Variants in PELI3 observed in about 807,000 individuals in gnomAD.
The protein encoded by PELI3 is pellino E3 ubiquitin protein ligase family member 3, also known as E3 ubiquitin-protein ligase pellino homolog 3.
PELI3 carries 19 observed loss-of-function variants against 35.5 expected under a neutral mutation model. The observed-to-expected ratio is 0.54, with a 90% CI of 0.37 to 0.79. The LOEUF (loss-of-function observed/expected upper bound fraction) is 0.79, where lower values mean the gene tolerates loss of function less well. PELI3 is among the 30% of genes least tolerant of loss of function. The pLI is 0.00. For missense variants in PELI3, 490 were observed against 661.2 expected, an observed-to-expected ratio of 0.74 and a Z score of 2.84; for synonymous variants, 262 against 279.2, an observed-to-expected ratio of 0.94 and a Z score of 0.62.
chr11:66,468,948 T>C (rs760271805), intron 3 of PELI3, 44 bp downstream of exon 3: 44 of 712,692 alleles, frequency 6.2e-5, no homozygotes, highest in Admixed American at 1.6e-4. Context: ...TTTCTTACTC[T>C]AGGTCTAGTG....
At position 66,469,010 on chromosome 11, in the gene PELI3, G is replaced by T. The variant is rs150912640; in HGVS notation, c.224+106G>T. 2.3e-3 allele frequency: 1,308 copies of T among 565,156 alleles called. 26 individuals carry two copies. The East Asian group carries it at 0.031, about 13-fold the overall frequency. The allele number at this position is 565,156 out of a possible 1,614,324, so 35.0% of individuals were successfully genotyped here. On this transcript the variant is annotated intron_variant, in intron 3 of 7. Transcript: ENST00000320740. ...TCACACTACAGATGAGAAAGCCAAG[G>T]CCAGGAGAGAGGAAGCAACGTGATC...
Position 66,473,474 on chromosome 11 carries a change from G to C in PELI3, c.651+39G>C, listed in dbSNP as rs762495667. The C allele has an allele frequency of 6.4e-7, 1 of 1,573,244 alleles. No individual in the cohort carries two copies. Among genetic ancestry groups the C allele is most frequent in the East Asian group, 2.3e-5 (1 of 44,360 alleles). ...AGGAAGGGACCAACTCTTCATCTGT[G>C]AGGCAAGGGGTAGGCTTGGGAGGTG... is the stretch of plus-strand genomic sequence containing the variant. On this transcript the variant is annotated intron_variant, in intron 6 of 7. Transcript: ENST00000320740. The surrounding 1 kb of genome is among the most constrained non-coding windows in gnomAD (Gnocchi z 5.8).
rs760737508 is a variant in PELI3, at chr11:66,472,401, G to A, written c.387G>A (p.Ser129=). 5.6e-6 allele frequency: 9 copies of A among 1,613,894 alleles called. No individual in the cohort carries two copies. Among genetic ancestry groups the A allele is most frequent in the African/African-American group, 4.0e-5 (3 of 74,874 alleles). The change falls in exon 5 of 8, where the codon TCG becomes TCA. Residue 129 remains serine (S), a synonymous_variant. Transcript: ENST00000320740. Reference sequence around the variant, plus strand: ...GTAACCGTGGTCAGCACAGCATCTCGTATACACTGTCCCGGAGCCACTCGG... The same window carrying A: ...GTAACCGTGGTCAGCACAGCATCTCATATACACTGTCCCGGAGCCACTCGG... ...ALSNRGQHSI[S]YTLSRSHSVI... is the part of the protein sequence containing the mutation.
At position 66,468,218 on chromosome 11, in the gene PELI3, TC is replaced by T; in HGVS notation, c.93del (p.Gly32ValfsTer36). The stretch of plus-strand genomic sequence containing the variant: ...ACAAGGGCTCTTGCGTTCTCTCCTC[TC>T]CCGGTGAAGATGCGCAGCCAGGCGA... ...GNKGSCVLSSPGEDAQPGEEP... is the reference protein window; with the variant it reads ...GNKGSCVLSSXGEDAQPGEEP... On this transcript the variant is annotated frameshift_variant, in exon 2 of 8. Coordinates refer to ENST00000320740, the MANE Select transcript of PELI3 (RefSeq NM_145065.3). LOFTEE classifies it high-confidence loss of function. 1 of 1,602,208 alleles carries T rather than the reference TC, an allele frequency of 6.2e-7. No homozygotes were observed.
At chr11:66,472,537 G>A in intron 5 of PELI3, 67 bp downstream of exon 5, 1 of 1,372,018 alleles carries the variant, frequency 7.3e-7, no homozygotes, top group Non-Finnish European at 1.0e-6. Context: ...CATTTCAGGT[G>A]AGGCTACGGG....
At chr11:66,472,280 C>T in intron 4 of PELI3, 89 bp from the exon 5 acceptor site, 4 of 931,464 alleles carry the variant, frequency 4.3e-6, no homozygotes. Context: ...CAGGGAGTGG[C>T]TGCTGGGCCT....
At chr11:66,472,296 T>C (rs933956480) in intron 4 of PELI3, 73 bp from the exon 5 acceptor site, 1 of 1,170,966 alleles carries the variant, frequency 8.5e-7, no homozygotes, top group Non-Finnish European at 1.3e-6. Flanking sequence ...GGCCTTGAGC[T>C]CCAGGTGCTT....
Position 66,468,166 on chromosome 11 carries a change from G to C in PELI3, c.38G>C (p.Arg13Pro), listed in dbSNP as rs780308838. 1 of 1,608,862 alleles carries C rather than the reference G, an allele frequency of 6.2e-7. No individual in the cohort carries two copies. The highest frequency in any genetic ancestry group is 1.7e-5 in the Admixed American group (1 of 59,592). The change falls in exon 2 of 8, where the codon CGA becomes CCA. Residue 13 changes from arginine to proline, a missense_variant. Around this residue, in one of 3 missense-constraint regions of PELI3, gnomAD observed 137 missense variants for 157.1 expected, o/e 0.87. Transcript: ENST00000320740. ...GGAAACCCTGAAGTGGGGTCCCCCC[G>C]AACCTCAGACCTCCAGCACCGGGGG... Reference protein sequence around the residue: ...LEGNPEVGSPRTSDLQHRGNK... With the variant: ...LEGNPEVGSPPTSDLQHRGNK...
rs1854549020 is a variant in PELI3, at chr11:66,466,963, C to T, written c.-66C>T. The T allele has an allele frequency of 6.6e-6, 1 of 151,052 alleles. No individual in the cohort carries two copies. The highest frequency in any genetic ancestry group is 2.4e-5 in the African/African-American group (1 of 41,292). 9.4% of individuals were successfully genotyped at this position (151,052 alleles called of 1,614,324 possible). Reference sequence around the variant, plus strand: ...GGCCGGGCCCATCCCGCCGCAGCGGCCCGGGGCCGAGCAGGGGCTAGGCGG... The same window carrying T: ...GGCCGGGCCCATCCCGCCGCAGCGGTCCGGGGCCGAGCAGGGGCTAGGCGG... On this transcript the variant is annotated 5_prime_UTR_variant, in exon 1 of 8. Transcript: ENST00000320740.
chr11:66,473,776 G>A lies in PELI3; in HGVS notation c.691G>A (p.Asp231Asn), dbSNP rs1219514798. 1 of 1,613,860 alleles carries A rather than the reference G, an allele frequency of 6.2e-7. No individual in the cohort carries two copies. Among genetic ancestry groups the A allele is most frequent in the Non-Finnish European group, 8.5e-7 (1 of 1,180,014 alleles). ...ATGGCGGACCCCAGATGGCCTGATG[G>A]ATGGACTGACCACCAATGGAGTCCT... ...AKWRTPDGLM[D>N]GLTTNGVLVM... The change falls in exon 7 of 8, where the codon GAT (aspartate) becomes AAT (asparagine). Residue 231 changes from aspartate (D) to asparagine (N), a missense_variant. By Grantham distance (23) the Asp-to-Asn change is conservative (BLOSUM62 1). Around this residue, in one of 3 missense-constraint regions of PELI3, gnomAD observed 349 missense variants for 484.8 expected, o/e 0.72. Transcript: ENST00000320740. The surrounding 1 kb of genome is among the most constrained non-coding windows in gnomAD (Gnocchi z 5.8).
chr11:66,468,358 T>G, intron 2 of PELI3, 78 bp downstream of exon 2: 1 of 1,338,136 alleles, frequency 7.5e-7, no homozygotes, highest in South Asian at 2.0e-5. Context: ...CGACCCCTCC[T>G]CCCCCCACAT....
In PELI3 at chr11:66,476,498, T is replaced by A; in HGVS notation, c.*331T>A. On this transcript the variant is annotated 3_prime_UTR_variant, in exon 8 of 8. Transcript: ENST00000320740. ...TGGGGGAGTGAAGGGGCCAGGGGCC[T>A]TTGACCCCCAGCTTAGGCTGGCTAT... 3 of 334,536 alleles carry A rather than the reference T, an allele frequency of 9.0e-6. No homozygotes were observed. The highest frequency in any genetic ancestry group is 1.1e-5 in the Non-Finnish European group (2 of 180,708). The allele number at this position is 334,536 out of a possible 1,614,324, so 20.7% of individuals were successfully genotyped here. A position where few individuals can be genotyped will look rare whatever the true frequency, so the allele number is the denominator to read the frequency against.
At position 66,467,724 on chromosome 11, in the gene PELI3, G is replaced by A. The variant is rs1854587703; in HGVS notation, c.-1-404G>A. On this transcript the variant is annotated intron_variant, in intron 1 of 7. Coordinates refer to ENST00000320740, the MANE Select transcript of PELI3 (RefSeq NM_145065.3). This position sits in a 1 kb window ranked among gnomAD's most constrained non-coding sequence, Gnocchi z 4.2. ...ATTCAGATGGACAGGTAGATTCAAA[G>A]AACCTGTCAGAGAGGCTAAATCAGA... Among the ~76,000 whole-genome samples the A allele has an allele frequency of 1.3e-5, 2 of 152,200 alleles. 1 individual carries two copies. Among genetic ancestry groups the A allele is most frequent in the South Asian group, 4.1e-4 (2 of 4,836 alleles).
Position 66,468,233 on chromosome 11 carries a change from G to A in PELI3, c.105G>A (p.Ala35=), listed in dbSNP as rs1175682753. ...SCVLSSPGED[A]QPGEEPIKYG... ...TTCTCTCCTCTCCCGGTGAAGATGC[G>A]CAGCCAGGCGAGGAGCCCATCAAGT... is the stretch of plus-strand genomic sequence containing the variant. The change falls in exon 2 of 8, where the codon GCG becomes GCA. Residue 35 remains alanine, a synonymous_variant. Coordinates refer to ENST00000320740, the MANE Select transcript of PELI3 (RefSeq NM_145065.3). 1.9e-6 allele frequency: 3 copies of A among 1,594,764 alleles called. No individual in the cohort carries two copies. Among genetic ancestry groups the A allele is most frequent in the South Asian group, 1.1e-5 (1 of 89,376 alleles).
rs913161649 is a variant in PELI3, at chr11:66,476,674, T to G, written c.*507T>G. 6 of 169,034 alleles carry G rather than the reference T, an allele frequency of 3.5e-5. No homozygotes were observed. In the Admixed American group the frequency reaches 3.6e-4, roughly 10 times the overall value. The allele number at this position is 169,034 out of a possible 1,614,324, so 10.5% of individuals were successfully genotyped here. ...ATGCCTCCAGCCCCCAAGTGAGTGG[T>G]GGGTGGGTGGCAGGCTGGGCCTAGC... On this transcript the variant is annotated 3_prime_UTR_variant, in exon 8 of 8. Coordinates refer to ENST00000320740, the MANE Select transcript of PELI3 (RefSeq NM_145065.3).
chr11:66,466,530 C>T (rs1353449624), upstream of PELI3: 2 of 152,258 alleles, frequency 1.3e-5, no homozygotes, highest in Non-Finnish European at 2.9e-5. Context: ...AGGGCCCTGA[C>T]CGACAGTGGG....
rs1019010384 is a variant in PELI3, at chr11:66,467,812, C to T, written c.-1-316C>T. 6.6e-6 allele frequency among the ~76,000 whole-genome samples: 1 copy of T among 152,220 alleles called. No homozygotes were observed. The highest frequency in any genetic ancestry group is 2.4e-5 in the African/African-American group (1 of 41,456). ...TGAGATGAGGGGTAACGGCCCCCAA[C>T]TCATTGGGTGCCCCGCTTTGAAGCA... On this transcript the variant is annotated intron_variant, in intron 1 of 7. Transcript: ENST00000320740. This position sits in a 1 kb window ranked among gnomAD's most constrained non-coding sequence, Gnocchi z 4.2.
At position 66,475,965 on chromosome 11, in the gene PELI3, G is replaced by T. The variant is rs1317288793; in HGVS notation, c.1208G>T (p.Gly403Val). ...CCTCTATGGCTTGGCCAGGAGGCCG[G>T]CCTCTGCCTGGACCCTGGGCCGCCT... is the stretch of plus-strand genomic sequence containing the variant. ...YVPLWLGQEAGLCLDPGPPSH... is the reference protein window; with the variant it reads ...YVPLWLGQEAVLCLDPGPPSH... Residue 403 changes from glycine (G) to valine (V), a missense_variant, in exon 8 of 8, where the codon GGC (glycine) becomes GTC (valine). Coordinates refer to ENST00000320740, the MANE Select transcript of PELI3 (RefSeq NM_145065.3). 6.2e-7 allele frequency: 1 copy of T among 1,611,754 alleles called. No individual in the cohort carries two copies. The highest frequency in any genetic ancestry group is 8.5e-7 in the Non-Finnish European group (1 of 1,179,688).
intron 7 of PELI3, 41 bp from the exon 8 acceptor site, chr11:66,475,557 G>A (rs1488535379): frequency 6.3e-7 from 1 of 1,596,860 alleles, no homozygotes; most frequent in Non-Finnish European, 8.5e-7. Context: ...GGCTCAGCAG[G>A]GGCCTCTTGG....
Sources: gnomAD v4.1 joint callset for allele counts (sites outside exome capture counted in the v4.1 genomes callset) on GRCh38, gnomAD v4.1.1 for gene constraint, gnomAD v4.1.1 regional missense constraint, Gnocchi (gnomAD v3.1) non-coding constraint, MANE v1.5 for transcripts, NCBI Gene and HGNC (gene_info 2026-07-23, HGNC 2026-07-21) for gene names.